FGGY: variants seen among roughly 807,000 people sequenced by gnomAD.
FGGY encodes the protein FGGY carbohydrate kinase domain-containing protein.
A neutral mutation model predicts 71.3 loss-of-function variants in FGGY; 72 were observed. The ratio of observed to expected loss-of-function variants is 1.01; its 90% confidence interval spans 0.84 to 1.23. The LOEUF (loss-of-function observed/expected upper bound fraction) is 1.23. Ranked by LOEUF, FGGY falls within the 50% of genes most tolerant of loss-of-function variation. The probability of loss-of-function intolerance (pLI) is 0.00; values close to 1 mark genes in which losing one functional copy is unlikely to be tolerated. For missense variants in FGGY, 668 were observed against 682.3 expected (o/e 0.98, Z 0.23); for synonymous variants, 251 against 250.3 (o/e 1.00, Z -0.02).
At chr1:59,340,683 C>G (rs1242217652) in intron 3 of FGGY, among the ~76,000 whole-genome samples, 2 of 152,110 alleles carry the variant, frequency 1.3e-5, no homozygotes, top group African/African-American at 2.4e-5. Flanking sequence ...ATAAGGTTGT[C>G]CCTTTTGGGG....
At chr1:59,733,125 A>C (rs1242916551) in intron 14 of FGGY, 1 of 153,854 alleles carries the variant, frequency 6.5e-6, no homozygotes, top group Non-Finnish European at 1.5e-5. Context: ...TTCCCTGTCC[A>C]CGTCCTACAC....
chr1:59,381,608 T>C (rs74579422), intron 5 of FGGY, among the ~76,000 whole-genome samples: 1,529 of 151,354 alleles, frequency 0.01, 23 homozygotes, highest in African/African-American at 0.035. Context: ...GACTGGAATG[T>C]CATTGTGTGA....
intron 13 of FGGY, among the ~76,000 whole-genome samples, chr1:59,670,521 C>G (rs1395158255): frequency 1.3e-5 from 2 of 152,192 alleles, no homozygotes. Flanking sequence ...CTCTCTGAGC[C>G]TCAGTTCCCT....
intron 2 of FGGY, among the ~76,000 whole-genome samples, chr1:59,338,173 T>G (rs1296313469): frequency 1.3e-5 from 2 of 152,188 alleles, no homozygotes; most frequent in African/African-American, 4.8e-5. Flanking sequence ...ACTCTTGCAT[T>G]CCTGGGATGA....
intron 5 of FGGY, among the ~76,000 whole-genome samples, chr1:59,401,957 T>C (rs1214102513): frequency 6.6e-6 from 1 of 152,200 alleles, no homozygotes; most frequent in Admixed American, 6.5e-5. Flanking sequence ...CAAGGTACCA[T>C]GGCGTTCTGT....
chr1:59,374,486 G>A lies in FGGY; in HGVS notation c.466-4263G>A, dbSNP rs367924674. Among the ~76,000 whole-genome samples the A allele has an allele frequency of 7.4e-4, 113 of 152,296 alleles. 1 individual carries two copies. The East Asian group carries it at 0.021, about 28-fold the overall frequency. ...GTAAACTAGTTGAACCATTGTGGAAGTCAGTGTGGCGATTCCTCAGGGATC... is the reference window on the plus strand; with the variant it reads ...GTAAACTAGTTGAACCATTGTGGAAATCAGTGTGGCGATTCCTCAGGGATC... On this transcript the variant is annotated intron_variant, in intron 4 of 15. Transcript: ENST00000303721.
At chr1:59,434,650 T>C (rs2068043128) in intron 5 of FGGY, among the ~76,000 whole-genome samples, 1 of 152,214 alleles carries the variant, frequency 6.6e-6, no homozygotes, top group African/African-American at 2.4e-5. Context: ...TTATTCCATG[T>C]CTGGTGAGGA....
chr1:59,319,361 CTG>C (rs755552743), intron 1 of FGGY, among the ~76,000 whole-genome samples: 3 of 152,164 alleles, frequency 2.0e-5, no homozygotes, highest in Non-Finnish European at 4.4e-5. Context: ...GTGCCAGACA[CTG>C]TGCAAGGAGC....
chr1:59,329,362 T>C (rs1286420328), intron 2 of FGGY, among the ~76,000 whole-genome samples: 1 of 152,258 alleles, frequency 6.6e-6, no homozygotes, highest in Non-Finnish European at 1.5e-5. Flanking sequence ...AAAATGCTAA[T>C]GAAGTGAGCA....
chr1:59,397,674 T>C (rs2061481824), intron 5 of FGGY, among the ~76,000 whole-genome samples: 1 of 152,122 alleles, frequency 6.6e-6, no homozygotes, highest in African/African-American at 2.4e-5. Flanking sequence ...GGGTGGGTGG[T>C]TCCTTTTCAC....
chr1:59,565,109 A>T (rs984666488), intron 8 of FGGY, among the ~76,000 whole-genome samples: 6 of 152,170 alleles, frequency 3.9e-5, no homozygotes, highest in East Asian at 1.9e-4. Flanking sequence ...TGCCTTGATT[A>T]GCAGCAATGA....
chr1:59,653,783 CACCATCTTTTAAGCCA>C (rs2097192687), intron 11 of FGGY, among the ~76,000 whole-genome samples: 1 of 152,184 alleles, frequency 6.6e-6, no homozygotes, highest in African/African-American at 2.4e-5. Flanking sequence ...CTCCTCCTGC[CACCATCTTTTAAGCCA>C]GCAATGATGG....
At chr1:59,588,296 A>T (rs185846907) in intron 8 of FGGY, among the ~76,000 whole-genome samples, 15,978 of 151,654 alleles carry the variant, frequency 0.11, 1,012 homozygotes, top group South Asian at 0.3. Flanking sequence ...GGACTATGTG[A>T]AAAGACCAAA....
chr1:59,482,632 G>GTA (rs1480251515), intron 6 of FGGY, among the ~76,000 whole-genome samples: 1 of 102,180 alleles, frequency 9.8e-6, no homozygotes, highest in Non-Finnish European at 2.1e-5. Flanking sequence ...GTGTGTCTGT[G>GTA]TGTATATATA....
At chr1:59,461,515 G>C (rs545713415) in intron 6 of FGGY, among the ~76,000 whole-genome samples, 1 of 152,266 alleles carries the variant, frequency 6.6e-6, no homozygotes, top group East Asian at 1.9e-4. Flanking sequence ...TTATCCAGGA[G>C]AACTTCCCTA....
intron 5 of FGGY, among the ~76,000 whole-genome samples, chr1:59,442,618 T>C (rs954264961): frequency 3.3e-5 from 5 of 152,208 alleles, no homozygotes; most frequent in Non-Finnish European, 7.3e-5. Flanking sequence ...TTCTGCTTTG[T>C]GTCAAAGGGA....
Position 59,380,482 on chromosome 1 carries a change from G to C in FGGY, c.554+1645G>C, listed in dbSNP as rs138835216. On this transcript the variant is annotated intron_variant, in intron 5 of 15. Transcript: ENST00000303721. The stretch of plus-strand genomic sequence containing the variant: ...GTTGTTTCCTGACTTTTTAAAGATC[G>C]CCATCCTAACTGGTGTGAGATGATA... 1.8e-3 allele frequency among the ~76,000 whole-genome samples: 280 copies of C among 151,530 alleles called. 16 individuals carry two copies. The highest frequency in any genetic ancestry group is 6.7e-3 in the African/African-American group (274 of 40,886).
chr1:59,628,243 C>T (rs538102985), intron 10 of FGGY, among the ~76,000 whole-genome samples: 2 of 152,188 alleles, frequency 1.3e-5, no homozygotes, highest in Admixed American at 1.3e-4. Context: ...TATCATGTAT[C>T]TCCTTTTATG....
intron 7 of FGGY, among the ~76,000 whole-genome samples, chr1:59,537,204 C>G (rs1157863038): frequency 2.6e-5 from 4 of 151,648 alleles, no homozygotes; most frequent in Non-Finnish European, 5.9e-5. Flanking sequence ...ACACCAATAA[C>G]AGACAAACAG....
Sources: allele counts gnomAD v4.1 joint callset (sites outside exome capture counted in the v4.1 genomes callset), GRCh38; gene constraint gnomAD v4.1.1; transcripts MANE v1.5; gene names NCBI Gene and HGNC (gene_info 2026-07-23, HGNC 2026-07-21).